ZNF558: variants seen among roughly 807,000 people sequenced by gnomAD.
The protein encoded by ZNF558 is zinc finger protein 558.
A neutral mutation model predicts 37.6 loss-of-function variants in ZNF558; 23 were observed. The observed-to-expected ratio is 0.61, with a 90% confidence interval of 0.44 to 0.87. The LOEUF is 0.87. ZNF558 is among the 40% of genes least tolerant of loss of function. ZNF558 has a pLI of 0.00. For synonymous variants in ZNF558, 189 were observed against 174.4 expected, an observed-to-expected ratio of 1.08 and a Z score of -0.66; for missense variants, 429 against 483.7, an observed-to-expected ratio of 0.89 and a Z score of 1.06.
intron 2 of ZNF558, among the ~76,000 whole-genome samples, chr19:8,825,880 T>C (rs951688077): frequency 1.3e-5 from 2 of 152,166 alleles, no homozygotes; most frequent in Non-Finnish European, 2.9e-5. Context: ...CAAAAGGGAT[T>C]CTGCAGCTGT....
rs782463844 is a variant in ZNF558, at chr19:8,811,559, C to T, written c.931G>A (p.Val311Ile). The change falls in exon 10 of 10, where the codon GTA becomes ATA. Residue 311 changes from valine to isoleucine, a missense_variant. Coordinates refer to ENST00000601372, the MANE Select transcript of ZNF558 (RefSeq NM_144693.3). ...GGTTTTTCTCCAGTATGAGTTCTTA[C>T]GTGCTGTGTCAGATAGGAGCTCTTC... is the stretch of plus-strand genomic sequence containing the variant. ...FRKSSYLTQH[V>I]RTHTGEKPYE... The T allele has an allele frequency of 5.6e-5, 91 of 1,613,750 alleles. No homozygotes were observed. The highest frequency in any genetic ancestry group is 2.0e-4 in the South Asian group (18 of 91,070).
chr19:8,829,949 T>C (rs1398677778), intron 2 of ZNF558, among the ~76,000 whole-genome samples: 1 of 152,164 alleles, frequency 6.6e-6, no homozygotes, highest in Non-Finnish European at 1.5e-5. Flanking sequence ...AGAAACAAAG[T>C]TAATTCCTAT....
At chr19:8,824,732 C>T (rs964165398) in intron 3 of ZNF558, among the ~76,000 whole-genome samples, 1 of 152,126 alleles carries the variant, frequency 6.6e-6, no homozygotes. Flanking sequence ...GTGCTCGAAG[C>T]TCTCTCCTCC....
chr19:8,813,344 T>C lies in ZNF558; in HGVS notation c.248-122A>G, dbSNP rs139897989. 56 of 731,402 alleles carry C rather than the reference T, an allele frequency of 7.7e-5. No homozygotes were observed. In the East Asian group the frequency reaches 1.6e-3, roughly 20 times the overall value. The allele number at this position is 731,402 out of a possible 1,614,324, so 45.3% of individuals were successfully genotyped here. ...ACTTTAGGAGCAGTGAAATAAATTA[T>C]GCCTTAATTCTTTTCTTTTTTTTAT... On this transcript the variant is annotated intron_variant, in intron 7 of 9. Transcript: ENST00000601372.
intron 3 of ZNF558, among the ~76,000 whole-genome samples, chr19:8,824,697 C>T (rs2044191228): frequency 6.6e-6 from 1 of 152,174 alleles, no homozygotes; most frequent in African/African-American, 2.4e-5. Context: ...CTGGGGTCCA[C>T]CCTCCTGCTT....
intron 7 of ZNF558, among the ~76,000 whole-genome samples, chr19:8,816,660 G>C (rs1446268464): frequency 6.6e-6 from 1 of 152,164 alleles, no homozygotes. Flanking sequence ...ATGATCAAGG[G>C]TGACTTCAGG....
intron 7 of ZNF558, among the ~76,000 whole-genome samples, chr19:8,814,422 T>A (rs2043877633): frequency 6.6e-6 from 1 of 152,224 alleles, no homozygotes; most frequent in Non-Finnish European, 1.5e-5. Context: ...TAGTCAGTAC[T>A]GCTTGAGGCA....
At chr19:8,826,609 TAA>T (rs1352708415) in intron 2 of ZNF558, among the ~76,000 whole-genome samples, 1 of 152,050 alleles carries the variant, frequency 6.6e-6, no homozygotes, top group Admixed American at 6.6e-5. Context: ...GGAGTGGCTG[TAA>T]ATACAGATGA....
At chr19:8,819,655 G>C (rs1432357798) in intron 7 of ZNF558, among the ~76,000 whole-genome samples, 1 of 152,192 alleles carries the variant, frequency 6.6e-6, no homozygotes, top group Non-Finnish European at 1.5e-5. Context: ...CATGGGCAGA[G>C]GACTGGGAGC....
In ZNF558 at chr19:8,828,011, C is replaced by T. The variant is rs149750606; in HGVS notation, c.-508-2903G>A. ...TGCTCTCTTGGACATAACCCTGTCC[C>T]CTCACTCTAGTCGAGCCCTATGACT... On this transcript the variant is annotated intron_variant, in intron 2 of 9. Coordinates refer to ENST00000601372, the MANE Select transcript of ZNF558 (RefSeq NM_144693.3). Among the ~76,000 whole-genome samples, 10 of 152,300 alleles carry T rather than the reference C, an allele frequency of 6.6e-5. No homozygotes were observed. In the East Asian group the frequency reaches 1.9e-3, roughly 29 times the overall value.
At chr19:8,836,576 C>G (rs1363368674), upstream of ZNF558, among the ~76,000 whole-genome samples, 1 of 152,024 alleles carries the variant, frequency 6.6e-6, no homozygotes, top group Admixed American at 6.6e-5. Flanking sequence ...ATTGCAGCCT[C>G]GACCTCCTGG....
At position 8,821,309 on chromosome 19, in the gene ZNF558, A is replaced by C; in HGVS notation, c.121-3T>G. 6.2e-7 allele frequency: 1 copy of C among 1,614,160 alleles called. No individual in the cohort carries two copies. Among genetic ancestry groups the C allele is most frequent in the East Asian group, 2.2e-5 (1 of 44,880 alleles). ...ACATCCTCGAAGGTTACCAAGCCCTAAAGCATTGCAAACATCACGGCTTAG... is the reference window on the plus strand; with the variant it reads ...ACATCCTCGAAGGTTACCAAGCCCTCAAGCATTGCAAACATCACGGCTTAG... On this transcript the variant is annotated splice_polypyrimidine_tract_variant and splice_region_variant and intron_variant, in intron 6 of 9. Coordinates refer to ENST00000601372, the MANE Select transcript of ZNF558 (RefSeq NM_144693.3).
upstream of ZNF558, among the ~76,000 whole-genome samples, chr19:8,836,619 G>A (rs1014738627): frequency 6.6e-5 from 10 of 152,022 alleles, no homozygotes; most frequent in Non-Finnish European, 1.3e-4. Context: ...AGCTTCCCGA[G>A]TAGCTGGGAC....
intron 7 of ZNF558, among the ~76,000 whole-genome samples, chr19:8,814,363 G>T (rs773124837): frequency 6.6e-6 from 1 of 152,118 alleles, no homozygotes; most frequent in Non-Finnish European, 1.5e-5. Flanking sequence ...TCAGGACTGA[G>T]CTGGTTACCT....
chr19:8,822,784 A>T lies in ZNF558; in HGVS notation c.-65-60T>A. On this transcript the variant is annotated intron_variant, in intron 4 of 9. Coordinates refer to ENST00000601372, the MANE Select transcript of ZNF558 (RefSeq NM_144693.3). The surrounding 1 kb of genome is among the most constrained non-coding windows in gnomAD (Gnocchi z 4.4). ...CCTCCTCCCTCTCGGGCTGCTGGGG[A>T]TGGGCCCTCCTCAACCCATCCTTCC... The T allele has an allele frequency of 6.8e-7, 1 of 1,472,908 alleles. No homozygotes were observed. The highest frequency in any genetic ancestry group is 9.4e-7 in the Non-Finnish European group (1 of 1,066,180). The allele number at this position is 1,472,908 out of a possible 1,614,324, so 91.2% of individuals were successfully genotyped here.
Position 8,811,145 on chromosome 19 carries a change from G to T in ZNF558, c.*136C>A. On this transcript the variant is annotated 3_prime_UTR_variant, in exon 10 of 10. Coordinates refer to ENST00000601372, the MANE Select transcript of ZNF558 (RefSeq NM_144693.3). ...AATTGTTAGAGAATAAACATTTCGT[G>T]TTTGAAGCCACAAAATTTGCGGGGA... 3 of 853,874 alleles carry T rather than the reference G, an allele frequency of 3.5e-6. No individual in the cohort carries two copies. Among genetic ancestry groups the T allele is most frequent in the Non-Finnish European group, 5.3e-6 (3 of 569,704 alleles). The allele number at this position is 853,874 out of a possible 1,614,324, so 52.9% of individuals were successfully genotyped here. A position where few individuals can be genotyped will look rare whatever the true frequency, so the allele number is the denominator to read the frequency against.
chr19:8,814,984 A>C (rs1402675776), intron 7 of ZNF558, among the ~76,000 whole-genome samples: 1 of 152,198 alleles, frequency 6.6e-6, no homozygotes, highest in African/African-American at 2.4e-5. Flanking sequence ...TACCAACTAC[A>C]ACAAGTAAAA....
chr19:8,815,655 G>A (rs984470343), intron 7 of ZNF558, among the ~76,000 whole-genome samples: 8 of 152,150 alleles, frequency 5.3e-5, no homozygotes, highest in South Asian at 2.1e-4. Flanking sequence ...GGTGATGCAC[G>A]TCTCTAGCCA....
intron 6 of ZNF558, chr19:8,821,689 A>T (rs1480077671): frequency 7.7e-7 from 1 of 1,302,638 alleles, no homozygotes; most frequent in Non-Finnish European, 9.8e-7. Context: ...ATACTTGGTA[A>T]GTGAATGACT....
Sources: allele counts gnomAD v4.1 joint callset (sites outside exome capture counted in the v4.1 genomes callset), GRCh38; gene constraint gnomAD v4.1.1; non-coding constraint Gnocchi (gnomAD v3.1); transcripts MANE v1.5; gene names NCBI Gene and HGNC (gene_info 2026-07-23, HGNC 2026-07-21).